The following KCNJ3 variants were observed in gnomAD, a reference collection of about 807,000 sequenced individuals.
KCNJ3 encodes the protein G protein-activated inward rectifier potassium channel 1.
A neutral mutation model predicts 39.2 loss-of-function variants in KCNJ3; 4 were observed. That is an observed-to-expected ratio of 0.10 (90% CI 0.05 to 0.23). The LOEUF (loss-of-function observed/expected upper bound fraction) is 0.23. KCNJ3 is among the 10% of genes least tolerant of loss of function. KCNJ3 has a pLI of 1.00. For synonymous variants in KCNJ3, 230 were observed against 237.4 expected, an observed-to-expected ratio of 0.97 and a Z score of 0.29; for missense variants, 276 against 634.9, an observed-to-expected ratio of 0.43 and a Z score of 6.08.
intron 2 of KCNJ3, among the ~76,000 whole-genome samples, chr2:154,850,296 A>G (rs1345126901): frequency 2.0e-5 from 3 of 152,112 alleles, no homozygotes; most frequent in Non-Finnish European, 2.9e-5. Flanking sequence ...GAATCTAAGC[A>G]TGGATTATTT....
rs535624240 is a variant in KCNJ3 at position 154,855,517 on chromosome 2, C to T, written c.*204C>T. The T allele has an allele frequency of 1.8e-5, 9 of 503,282 alleles. No individual in the cohort carries two copies. In the Admixed American group the frequency reaches 2.2e-4, roughly 12 times the overall value. 31.2% of individuals were successfully genotyped at this position (503,282 alleles called of 1,614,324 possible). ...GAGGACATCATAAGGAAGTTATTAA[C>T]GGGCATGTATTATCACATCAAGCAT... On this transcript the variant is annotated 3_prime_UTR_variant, in exon 3 of 3. Transcript: ENST00000295101.
intron 1 of KCNJ3, among the ~76,000 whole-genome samples, chr2:154,704,136 G>T (rs1397839540): frequency 6.6e-6 from 1 of 151,926 alleles, no homozygotes; most frequent in Non-Finnish European, 1.5e-5. Flanking sequence ...TTTTAAAATA[G>T]TGGTAATATA....
chr2:154,840,615 G>A (rs1241819064), intron 2 of KCNJ3, among the ~76,000 whole-genome samples: 3 of 152,148 alleles, frequency 2.0e-5, no homozygotes, highest in Non-Finnish European at 2.9e-5. Flanking sequence ...AGTTCGTTGA[G>A]CAGTGGTTTG....
At chr2:154,788,092 ATGT>A (rs1686566135) in intron 2 of KCNJ3, among the ~76,000 whole-genome samples, 1 of 152,140 alleles carries the variant, frequency 6.6e-6, no homozygotes, top group South Asian at 2.1e-4. Flanking sequence ...AGCTGAGAAG[ATGT>A]GCTTGGACAG....
chr2:154,706,127 A>C (rs1457998742), intron 1 of KCNJ3, among the ~76,000 whole-genome samples: 1 of 152,142 alleles, frequency 6.6e-6, no homozygotes, highest in Non-Finnish European at 1.5e-5. Flanking sequence ...AATTTACTGC[A>C]TAAATCTTAA....
chr2:154,716,646 T>G (rs1391840373), intron 2 of KCNJ3, among the ~76,000 whole-genome samples: 1 of 152,230 alleles, frequency 6.6e-6, no homozygotes, highest in Non-Finnish European at 1.5e-5. Context: ...ATGTGTATAA[T>G]TGTATTATAT....
intron 2 of KCNJ3, among the ~76,000 whole-genome samples, chr2:154,719,773 A>G (rs1685238335): frequency 6.6e-6 from 1 of 152,128 alleles, no homozygotes. Context: ...TTTTCTGGGG[A>G]AAATTTTCCA....
At chr2:154,760,334 T>C (rs779045051) in intron 2 of KCNJ3, among the ~76,000 whole-genome samples, 42 of 152,226 alleles carry the variant, frequency 2.8e-4, no homozygotes, top group Non-Finnish European at 1.3e-4. Flanking sequence ...TTTTCTGACG[T>C]AAACTTTTAT....
intron 2 of KCNJ3, among the ~76,000 whole-genome samples, chr2:154,837,245 C>G (rs912203943): frequency 1.4e-5 from 2 of 145,292 alleles, no homozygotes; most frequent in Non-Finnish European, 3.0e-5. Context: ...GATTTGTCAG[C>G]AAATGTATCT....
intron 2 of KCNJ3, among the ~76,000 whole-genome samples, chr2:154,802,201 TAAGAC>T (rs1435552634): frequency 6.6e-6 from 1 of 151,878 alleles, no homozygotes; most frequent in Non-Finnish European, 1.5e-5. Flanking sequence ...TTTTTTTTTC[TAAGAC>T]AACAAGTTTT....
chr2:154,786,421 G>A (rs1686530752), intron 2 of KCNJ3, among the ~76,000 whole-genome samples: 1 of 152,116 alleles, frequency 6.6e-6, no homozygotes, highest in African/African-American at 2.4e-5. Flanking sequence ...TGAAGGATGA[G>A]ACAATAGACA....
chr2:154,804,631 G>C (rs1339855127), intron 2 of KCNJ3, among the ~76,000 whole-genome samples: 2 of 152,074 alleles, frequency 1.3e-5, no homozygotes, highest in African/African-American at 4.8e-5. Context: ...TACTAGGCAA[G>C]GTGCTGTTTA....
At chr2:154,818,196 T>C (rs115682436) in intron 2 of KCNJ3, among the ~76,000 whole-genome samples, 2,381 of 152,308 alleles carry the variant, frequency 0.016, 37 homozygotes, top group South Asian at 0.04. Flanking sequence ...ACTTTTATCA[T>C]ACCATATGTA....
intron 2 of KCNJ3, among the ~76,000 whole-genome samples, chr2:154,735,929 A>C (rs1018919925): frequency 6.6e-6 from 1 of 152,154 alleles, no homozygotes; most frequent in African/African-American, 2.4e-5. Context: ...GCTTGGATTT[A>C]AAAAATTATC....
intron 2 of KCNJ3, among the ~76,000 whole-genome samples, chr2:154,815,655 G>C (rs1466239920): frequency 1.3e-5 from 2 of 152,196 alleles, no homozygotes; most frequent in African/African-American, 4.8e-5. Flanking sequence ...TGCCCTTCCT[G>C]TCTTCCTTGT....
At chr2:154,737,311 G>T (rs115822925) in intron 2 of KCNJ3, among the ~76,000 whole-genome samples, 1 of 152,122 alleles carries the variant, frequency 6.6e-6, no homozygotes, top group East Asian at 1.9e-4. Flanking sequence ...TTAAAAGTAA[G>T]ATTTGAAAAA....
At chr2:154,791,832 G>A (rs1686639772) in intron 2 of KCNJ3, among the ~76,000 whole-genome samples, 1 of 152,002 alleles carries the variant, frequency 6.6e-6, no homozygotes, top group South Asian at 2.1e-4. Context: ...AAGTACACTG[G>A]CAAACAGAAT....
chr2:154,781,651 G>A (rs992444266), intron 2 of KCNJ3, among the ~76,000 whole-genome samples: 4 of 152,028 alleles, frequency 2.6e-5, no homozygotes, highest in African/African-American at 9.7e-5. Flanking sequence ...CTTTTGATTG[G>A]TTTGTTTCTG....
At chr2:154,802,700 AGTCTCATAGT>A (rs1686840708) in intron 2 of KCNJ3, among the ~76,000 whole-genome samples, 1 of 152,162 alleles carries the variant, frequency 6.6e-6, no homozygotes, top group Non-Finnish European at 1.5e-5. Flanking sequence ...TATCTCATTC[AGTCTCATAGT>A]TTCACAGATA....
Sources: gnomAD v4.1 joint callset for allele counts (sites outside exome capture counted in the v4.1 genomes callset) on GRCh38, gnomAD v4.1.1 for gene constraint, MANE v1.5 for transcripts, NCBI Gene and HGNC (gene_info 2026-07-23, HGNC 2026-07-21) for gene names.